Variants in CHIC2 observed in about 807,000 individuals in gnomAD.
The protein encoded by CHIC2 is cysteine-rich hydrophobic domain-containing protein 2.
In CHIC2, 14 loss-of-function variants were observed where a neutral mutation model predicts 25.9. The ratio of observed to expected loss-of-function variants is 0.54; its 90% CI spans 0.36 to 0.85. CHIC2 has a LOEUF of 0.85. CHIC2 is among the 40% of genes least tolerant of loss of function. The probability of loss-of-function intolerance (pLI) is 0.01; values close to 1 mark genes in which losing one functional copy is unlikely to be tolerated. For missense variants in CHIC2, 146 were observed against 202.0 expected (o/e 0.72, Z 1.68); for synonymous variants, 70 against 72.0 (o/e 0.97, Z 0.14).
chr4:54,087,802 T>A, the CHIC2 span: 1 of 418,954 alleles, frequency 2.4e-6, no homozygotes, highest in African/African-American at 2.0e-5. Flanking sequence ...TACAGACCAT[T>A]CACTGTTATT....
chr4:54,041,796 T>C (rs1448029928), intron 3 of CHIC2, among the ~76,000 whole-genome samples: 2 of 152,060 alleles, frequency 1.3e-5, no homozygotes, highest in Non-Finnish European at 2.9e-5. Context: ...CAAAAGGATT[T>C]ATGGCAAATA....
intron 3 of CHIC2, among the ~76,000 whole-genome samples, chr4:54,021,919 A>G (rs936099182): frequency 6.6e-6 from 1 of 152,156 alleles, no homozygotes; most frequent in Non-Finnish European, 1.5e-5. Context: ...GTACAATAAT[A>G]GAGTAGAGGC....
intron 3 of CHIC2, among the ~76,000 whole-genome samples, chr4:54,015,542 T>C (rs986945162): frequency 1.3e-5 from 2 of 152,080 alleles, no homozygotes; most frequent in Non-Finnish European, 2.9e-5. Context: ...TAACATTCAG[T>C]TCGGTCGTTT....
chr4:54,031,686 C>A (rs1013551252), intron 3 of CHIC2, among the ~76,000 whole-genome samples: 7 of 133,356 alleles, frequency 5.2e-5, no homozygotes, highest in African/African-American at 2.0e-4. Context: ...GTGGTGCCAT[C>A]TCGGCTCACT....
chr4:54,023,270 G>T (rs1003516449), intron 3 of CHIC2, among the ~76,000 whole-genome samples: 1 of 152,064 alleles, frequency 6.6e-6, no homozygotes, highest in Non-Finnish European at 1.5e-5. Flanking sequence ...ACTATTTTAG[G>T]CTGGCCATCA....
intron 3 of CHIC2, among the ~76,000 whole-genome samples, chr4:54,045,601 C>G (rs1378519839): frequency 1.6e-4 from 24 of 151,224 alleles, no homozygotes; most frequent in South Asian, 1.0e-3. Flanking sequence ...ATTCAACAAC[C>G]CTTCATGCTA....
At chr4:54,014,387 C>A (rs955411413) in intron 3 of CHIC2, among the ~76,000 whole-genome samples, 1 of 152,106 alleles carries the variant, frequency 6.6e-6, no homozygotes, top group Non-Finnish European at 1.5e-5. Context: ...AAGCTAATGT[C>A]ATCTGCCAAA....
At chr4:54,085,405 G>A in the CHIC2 span, among the ~76,000 whole-genome samples, 1 of 152,112 alleles carries the variant, frequency 6.6e-6, no homozygotes, top group Non-Finnish European at 1.5e-5. Flanking sequence ...CAGAATTAGG[G>A]ACACTGTCTT....
intron 3 of CHIC2, among the ~76,000 whole-genome samples, chr4:54,047,826 AT>A (rs1270338988): frequency 2.6e-5 from 4 of 152,050 alleles, no homozygotes; most frequent in African/African-American, 4.8e-5. Flanking sequence ...CCCTGTCTCT[AT>A]TTTTTTAAAT....
the CHIC2 span, among the ~76,000 whole-genome samples, chr4:54,083,285 G>A: frequency 6.6e-6 from 1 of 151,766 alleles, no homozygotes; most frequent in Non-Finnish European, 1.5e-5. Flanking sequence ...AAAGTGCTGG[G>A]ATTACAGGCA....
At chr4:54,051,449 C>G (rs1717004041) in intron 1 of CHIC2, among the ~76,000 whole-genome samples, 1 of 151,842 alleles carries the variant, frequency 6.6e-6, no homozygotes, top group Non-Finnish European at 1.5e-5. Flanking sequence ...TTATTCATCC[C>G]CAGTAAGTTC....
chr4:54,040,061 T>C (rs918436468), intron 3 of CHIC2, among the ~76,000 whole-genome samples: 10 of 151,994 alleles, frequency 6.6e-5, no homozygotes, highest in Admixed American at 1.3e-4. Flanking sequence ...ACTACAGAGG[T>C]AGTAAGTAAA....
chr4:54,066,625 C>CTTT (rs533491447), upstream of CHIC2, among the ~76,000 whole-genome samples: 8 of 133,718 alleles, frequency 6.0e-5, no homozygotes, highest in African/African-American at 2.2e-4. Flanking sequence ...TCCTGAATGT[C>CTTT]TTTTTTTTTT....
intron 1 of CHIC2, among the ~76,000 whole-genome samples, chr4:54,053,349 G>A (rs1717065756): frequency 6.6e-6 from 1 of 152,076 alleles, no homozygotes; most frequent in Non-Finnish European, 1.5e-5. Context: ...CTGAGGTCAG[G>A]AGTTCGAGAC....
At chr4:54,028,895 T>C (rs1319501910) in intron 3 of CHIC2, among the ~76,000 whole-genome samples, 2 of 151,980 alleles carry the variant, frequency 1.3e-5, no homozygotes, top group Admixed American at 1.3e-4. Flanking sequence ...GGGGCCGAGG[T>C]GGGCAGATCA....
chr4:54,025,407 CT>C (rs1184238144), intron 3 of CHIC2, among the ~76,000 whole-genome samples: 3 of 152,246 alleles, frequency 2.0e-5, no homozygotes, highest in South Asian at 4.1e-4. Context: ...ATCCCAAAAT[CT>C]GTAAGAACTA....
At chr4:54,059,360 T>C (rs1444262281) in intron 1 of CHIC2, among the ~76,000 whole-genome samples, 3 of 151,968 alleles carry the variant, frequency 2.0e-5, no homozygotes, top group Admixed American at 2.0e-4. Context: ...GCCCCATCTC[T>C]ACAAAAACCA....
intron 5 of CHIC2, among the ~76,000 whole-genome samples, chr4:54,012,544 A>G (rs1715626958): frequency 6.6e-6 from 1 of 152,240 alleles, no homozygotes; most frequent in Admixed American, 6.5e-5. Context: ...CTCAGTTTTA[A>G]GCTTAGTGTT....
the CHIC2 span, among the ~76,000 whole-genome samples, chr4:54,084,284 T>G: frequency 1.4e-4 from 21 of 152,200 alleles, no homozygotes; most frequent in Non-Finnish European, 2.5e-4. Context: ...CTGTCTCCTA[T>G]TTCCAGAAGT....
Sources: allele counts gnomAD v4.1 joint callset (sites outside exome capture counted in the v4.1 genomes callset), GRCh38; gene constraint gnomAD v4.1.1; transcripts MANE v1.5; gene names NCBI Gene and HGNC (gene_info 2026-07-23, HGNC 2026-07-21).